ZBTB8OS: variants seen among roughly 807,000 people sequenced by gnomAD.
ZBTB8OS encodes tRNA splicing ligase complex subunit 1, also known as tRNA-splicing ligase-activating factor archease.
Under a neutral mutation model 29.3 loss-of-function variants are expected in ZBTB8OS, and 16 were observed. The ratio of observed to expected loss-of-function variants is 0.55; its 90% confidence interval spans 0.37 to 0.83. ZBTB8OS has a LOEUF of 0.83. ZBTB8OS is among the 40% of genes least tolerant of loss of function. The probability of loss-of-function intolerance (pLI) is 0.00; values close to 1 mark genes in which losing one functional copy is unlikely to be tolerated. For missense variants in ZBTB8OS, 160 were observed against 196.9 expected, an observed-to-expected ratio of 0.81 and a Z score of 1.12; for synonymous variants, 70 against 64.6, an observed-to-expected ratio of 1.08 and a Z score of -0.40.
intron 6 of ZBTB8OS, among the ~76,000 whole-genome samples, chr1:32,625,010 G>C (rs891349867): frequency 2.6e-5 from 4 of 151,588 alleles, no homozygotes; most frequent in African/African-American, 7.3e-5. Flanking sequence ...GATCACCTGA[G>C]GTCGGGAGTT....
chr1:32,646,131 C>T (rs1646809490), intron 1 of ZBTB8OS, among the ~76,000 whole-genome samples: 2 of 152,094 alleles, frequency 1.3e-5, no homozygotes, highest in South Asian at 4.2e-4. Flanking sequence ...ACCAGCCTGG[C>T]CAACATGGTG....
intron 6 of ZBTB8OS, among the ~76,000 whole-genome samples, chr1:32,626,549 ACTTTT>A (rs1645146123): frequency 6.6e-6 from 1 of 151,874 alleles, no homozygotes; most frequent in Non-Finnish European, 1.5e-5. Flanking sequence ...TTATTTATTT[ACTTTT>A]ATTTTATTTT....
chr1:32,644,268 C>T (rs921550693), intron 1 of ZBTB8OS, among the ~76,000 whole-genome samples: 1 of 152,044 alleles, frequency 6.6e-6, no homozygotes, highest in African/African-American at 2.4e-5. Flanking sequence ...CAGTTAATTG[C>T]ATTCTTGGAT....
chr1:32,632,861 G>A (rs1231392875), intron 4 of ZBTB8OS, among the ~76,000 whole-genome samples: 1 of 152,140 alleles, frequency 6.6e-6, no homozygotes, highest in Non-Finnish European at 1.5e-5. Context: ...ATATGGTGGA[G>A]GAGGACGACA....
At chr1:32,626,475 T>C (rs192538694) in intron 6 of ZBTB8OS, among the ~76,000 whole-genome samples, 2 of 152,316 alleles carry the variant, frequency 1.3e-5, no homozygotes, top group African/African-American at 2.4e-5. Flanking sequence ...AAAATATATA[T>C]AGCCCACAGG....
chr1:32,648,091 C>A (rs192800303), intron 1 of ZBTB8OS, among the ~76,000 whole-genome samples: 1 of 150,688 alleles, frequency 6.6e-6, no homozygotes, highest in African/African-American at 2.4e-5. Context: ...ACATACACAC[C>A]CCAGAATGGG....
intron 4 of ZBTB8OS, 175 bp from the exon 5 acceptor site, chr1:32,632,054 T>G (rs1645606438): frequency 3.1e-6 from 1 of 320,602 alleles, no homozygotes; most frequent in African/African-American, 2.7e-5. Flanking sequence ...CAGGCTGGAG[T>G]ACAGTGGCGT....
chr1:32,633,896 C>T, intron 3 of ZBTB8OS, 55 bp downstream of exon 3: 1 of 1,520,020 alleles, frequency 6.6e-7, no homozygotes, highest in East Asian at 2.3e-5. Flanking sequence ...TAGAATACTG[C>T]ACAATTCTAT....
At chr1:32,642,932 G>A (rs1034917789) in intron 1 of ZBTB8OS, among the ~76,000 whole-genome samples, 2 of 146,474 alleles carry the variant, frequency 1.4e-5, no homozygotes, top group African/African-American at 2.5e-5. Flanking sequence ...CACCACGCAC[G>A]GCTAATTTTT....
intron 6 of ZBTB8OS, 93 bp downstream of exon 6, chr1:32,627,415 C>A: frequency 9.1e-7 from 1 of 1,100,394 alleles, no homozygotes. Context: ...TCACTTTACA[C>A]CAGTTAGAAC....
In ZBTB8OS at chr1:32,638,481, C is replaced by T. The variant is rs563320391; in HGVS notation, c.98-3689G>A. Among the ~76,000 whole-genome samples, 6 of 152,138 alleles carry T rather than the reference C, an allele frequency of 3.9e-5. No homozygotes were observed. The South Asian group carries it at 6.2e-4, about 16-fold the overall frequency. ...CTGGGATTACAGGCGTGAGCCACTG[C>T]GACCAGCCCAGAATTCTTTATTCTC... On this transcript the variant is annotated intron_variant, in intron 1 of 6. Transcript: ENST00000468695.
At chr1:32,628,497 C>T (rs1460843011) in intron 5 of ZBTB8OS, among the ~76,000 whole-genome samples, 1 of 151,266 alleles carries the variant, frequency 6.6e-6, no homozygotes, top group African/African-American at 2.4e-5. Flanking sequence ...ATTAGCCAGG[C>T]GTGGTGGTAG....
At chr1:32,650,711 G>C (rs2148506331), upstream of ZBTB8OS, 2 of 1,064,662 alleles carry the variant, frequency 1.9e-6, no homozygotes, top group African/African-American at 1.6e-5. Context: ...TATTTAAAAA[G>C]CCAAAACCCC....
At position 32,639,155 on chromosome 1, in the gene ZBTB8OS, C is replaced by T. The variant is rs375821553; in HGVS notation, c.98-4363G>A. On this transcript the variant is annotated intron_variant, in intron 1 of 6. Transcript: ENST00000468695. ...TCTACTAAAAATACAAAAATTAGCC[C>T]GGTGTGGTAGCATGTGCCTGTAGTC... Among the ~76,000 whole-genome samples the T allele has an allele frequency of 9.2e-5, 14 of 151,482 alleles. No homozygotes were observed. In the East Asian group the frequency reaches 1.8e-3, roughly 19 times the overall value.
chr1:32,622,739 G>C (rs1277401909), intron 6 of ZBTB8OS, among the ~76,000 whole-genome samples: 1 of 149,348 alleles, frequency 6.7e-6, no homozygotes, highest in Non-Finnish European at 1.5e-5. Context: ...AGAAAAAAAA[G>C]TAAAAAACTT....
intron 4 of ZBTB8OS, chr1:32,633,340 A>G (rs1645718165): frequency 8.1e-6 from 2 of 248,172 alleles, no homozygotes; most frequent in Admixed American, 5.3e-5. Context: ...TCGACAACAT[A>G]GCAACACCCT....
intron 1 of ZBTB8OS, among the ~76,000 whole-genome samples, chr1:32,638,921 A>G (rs948646318): frequency 6.6e-6 from 1 of 151,962 alleles, no homozygotes; most frequent in Non-Finnish European, 1.5e-5. Flanking sequence ...CTAAAAAATA[A>G]TAATAACAAT....
At chr1:32,638,073 G>A (rs568183062) in intron 1 of ZBTB8OS, among the ~76,000 whole-genome samples, 2 of 151,904 alleles carry the variant, frequency 1.3e-5, no homozygotes, top group Admixed American at 1.3e-4. Flanking sequence ...CTAATCTCAG[G>A]TGAACCACCT....
chr1:32,641,113 A>C (rs1431685740), intron 1 of ZBTB8OS, among the ~76,000 whole-genome samples: 1 of 151,800 alleles, frequency 6.6e-6, no homozygotes, highest in East Asian at 1.9e-4. Context: ...TGGAGGTTGC[A>C]GTAAGCCGAG....
Sources: gnomAD v4.1 joint callset for allele counts (sites outside exome capture counted in the v4.1 genomes callset) on GRCh38, gnomAD v4.1.1 for gene constraint, MANE v1.5 for transcripts, NCBI Gene and HGNC (gene_info 2026-07-23, HGNC 2026-07-21) for gene names.